Variants in SCAF8 observed in about 807,000 individuals in gnomAD.
SCAF8 encodes the protein SR-related and CTD-associated factor 8.
In SCAF8, 23 loss-of-function variants were observed where a neutral mutation model predicts 140.5. That is an observed-to-expected ratio of 0.16 (90% confidence interval 0.12 to 0.23). SCAF8 has a LOEUF of 0.23. SCAF8 is among the 10% of genes least tolerant of loss of function. The pLI is 1.00. For missense variants in SCAF8, 1,397 were observed against 1,555.7 expected, an observed-to-expected ratio of 0.90 and a Z score of 1.72; for synonymous variants, 575 against 528.9, an observed-to-expected ratio of 1.09 and a Z score of -1.20.
chr6:154,815,050 C>T (rs761390644), intron 12 of SCAF8, among the ~76,000 whole-genome samples: 9 of 152,320 alleles, frequency 5.9e-5, no homozygotes, highest in South Asian at 2.1e-4. Context: ...GTTATCCCAG[C>T]GCTTTGGGAG....
At chr6:154,742,356 A>T (rs1778592457) in intron 1 of SCAF8, among the ~76,000 whole-genome samples, 1 of 152,204 alleles carries the variant, frequency 6.6e-6, no homozygotes, top group East Asian at 1.9e-4. Context: ...TGAATAATAA[A>T]ATACACCTTT....
chr6:154,815,958 T>C, intron 13 of SCAF8, 142 bp downstream of exon 13: 1 of 495,340 alleles, frequency 2.0e-6, no homozygotes, highest in Non-Finnish European at 3.7e-6. Context: ...ACTTTGATAA[T>C]GTCTGTGTTT....
rs1278298131 is a variant in SCAF8, at chr6:154,831,948, A to G, written c.2369A>G (p.Asn790Ser). ...CTCTCTTTTTTTTTAGTGATTCCAA[A>G]TGATATTTCAAGTAATGCTGCAATT... ...SGENTRSVIP[N>S]DISSNAAILG... The change falls in exon 20 of 20, where the codon AAT (asparagine) becomes AGT (serine). Residue 790 changes from asparagine to serine, a missense_variant. This residue lies in a region of SCAF8 where 930 missense variants were observed against 874.6 expected (regional missense o/e 1.06). Transcript: ENST00000367178. 9 of 1,587,742 alleles carry G rather than the reference A, an allele frequency of 5.7e-6. No individual in the cohort carries two copies. In the East Asian group the frequency reaches 2.0e-4, roughly 36 times the overall value.
intron 5 of SCAF8, among the ~76,000 whole-genome samples, chr6:154,794,487 AAG>A (rs554807194): frequency 1.3e-5 from 2 of 152,122 alleles, no homozygotes; most frequent in African/African-American, 4.8e-5. Flanking sequence ...GATAGGGAAA[AAG>A]AGAGAGAGAC....
At chr6:154,803,786 A>G (rs1005225881) in intron 8 of SCAF8, among the ~76,000 whole-genome samples, 163 bp downstream of exon 8, 3 of 152,134 alleles carry the variant, frequency 2.0e-5, no homozygotes, top group Non-Finnish European at 4.4e-5. Context: ...TCTTTGTATT[A>G]TTTTGAGTCT....
intron 4 of SCAF8, among the ~76,000 whole-genome samples, chr6:154,791,450 A>G (rs574771697): frequency 1.4e-4 from 21 of 152,338 alleles, no homozygotes; most frequent in African/African-American, 4.8e-4. Context: ...ACGTTATAGT[A>G]TCGCTATAAG....
In SCAF8 at chr6:154,820,298, A is replaced by G. The variant is rs749869251; in HGVS notation, c.1757A>G (p.Glu586Gly). 2.5e-6 allele frequency: 4 copies of G among 1,611,686 alleles called. No individual in the cohort carries two copies. The highest frequency in any genetic ancestry group is 1.1e-5 in the South Asian group (1 of 90,634). ...GTGGATGACTTGGAAGGTTTTGCAG[A>G]AGGAGGCATGATTGATCAGGAGACT... is the stretch of plus-strand genomic sequence containing the variant. The part of the protein sequence containing the change: ...VKVDDLEGFA[E>G]GGMIDQETVN... The change falls in exon 15 of 20, where the codon GAA becomes GGA. Residue 586 changes from glutamate to glycine, a missense_variant. Around this residue, in one of 5 missense-constraint regions of SCAF8, gnomAD observed 930 missense variants for 874.6 expected, o/e 1.06. Coordinates refer to ENST00000367178, the MANE Select transcript of SCAF8 (RefSeq NM_014892.5).
chr6:154,830,929 G>A lies in SCAF8; in HGVS notation c.2148G>A (p.Val716=), dbSNP rs768083973. 6.1e-5 allele frequency: 98 copies of A among 1,613,516 alleles called. No individual in the cohort carries two copies. The highest frequency in any genetic ancestry group is 8.2e-5 in the Non-Finnish European group (97 of 1,179,494). Residue 716 remains valine (V), a synonymous_variant, in exon 19 of 20, where the codon GTG becomes GTA. Coordinates refer to ENST00000367178, the MANE Select transcript of SCAF8 (RefSeq NM_014892.5). ...TIPPVVPTSL[V]QPSLSMTPET... ...TTTCTCCTCTTTAAACAGCTTTAGT[G>A]CAGCCGTCATTATCCATGACACCGG...
chr6:154,748,180 G>A (rs1778752388), intron 1 of SCAF8, among the ~76,000 whole-genome samples: 2 of 152,210 alleles, frequency 1.3e-5, no homozygotes, highest in South Asian at 2.1e-4. Context: ...CTCGCTAAGG[G>A]AAGACAATAA....
chr6:154,797,535 A>T (rs1162347961), intron 6 of SCAF8, among the ~76,000 whole-genome samples: 2 of 151,268 alleles, frequency 1.3e-5, no homozygotes, highest in African/African-American at 4.8e-5. Flanking sequence ...AGCTGGGACT[A>T]TAGGCACCTG....
In SCAF8 at chr6:154,750,585, A is replaced by G. The variant is rs537978802; in HGVS notation, c.30+16655A>G. On this transcript the variant is annotated intron_variant, in intron 1 of 19. Coordinates refer to ENST00000367178, the MANE Select transcript of SCAF8 (RefSeq NM_014892.5). Reference sequence around the variant, plus strand: ...CCAGATGTTCTTGTATGTAATTAAAACTTAAGTAGTAAATTGAATGGCCTG... The same window carrying G: ...CCAGATGTTCTTGTATGTAATTAAAGCTTAAGTAGTAAATTGAATGGCCTG... Among the ~76,000 whole-genome samples, 5 of 152,308 alleles carry G rather than the reference A, an allele frequency of 3.3e-5. No homozygotes were observed. The South Asian group carries it at 1.0e-3, about 32-fold the overall frequency.
intron 16 of SCAF8, 150 bp downstream of exon 16, chr6:154,822,559 T>TA (rs199831937): frequency 3.6e-4 from 290 of 804,854 alleles, no homozygotes; most frequent in Middle Eastern, 1.8e-3. Context: ...TTCTTTTAAA[T>TA]AAAAAAAAAG....
intron 14 of SCAF8, 82 bp downstream of exon 14, chr6:154,818,674 G>GAGGGTCAC (rs766157445): frequency 1.9e-4 from 111 of 597,928 alleles, no homozygotes; most frequent in Non-Finnish European, 3.1e-4. Context: ...TTTTTCACAA[G>GAGGGTCAC]AGGGTCACAA....
In SCAF8 at chr6:154,808,071, C is replaced by T. The variant is rs1003543018; in HGVS notation, c.983C>T (p.Ala328Val). The part of the protein sequence containing the change: ...QLLEQQQPQK[A>V]TPQDSQEGTF... ...TGTGTTTGTATATGTTCTCAATAGG[C>T]CACTCCTCAGGATAGTCAGGAAGGA... The change falls in exon 10 of 20, where the codon GCC (alanine) becomes GTC (valine). Residue 328 changes from alanine to valine, a missense_variant and splice_region_variant. Ala to Val is a moderately conservative substitution (Grantham distance 64). Coordinates refer to ENST00000367178, the MANE Select transcript of SCAF8 (RefSeq NM_014892.5). The T allele has an allele frequency of 1.4e-5, 22 of 1,611,568 alleles. No individual in the cohort carries two copies. Among genetic ancestry groups the T allele is most frequent in the Non-Finnish European group, 1.8e-5 (21 of 1,179,096 alleles).
Position 154,800,032 on chromosome 6 carries a change from C to T in SCAF8, c.607-1939C>T, listed in dbSNP as rs550502328. Among the ~76,000 whole-genome samples, 26 of 151,112 alleles carry T rather than the reference C, an allele frequency of 1.7e-4. No homozygotes were observed. The South Asian group carries it at 2.1e-3, about 12-fold the overall frequency. On this transcript the variant is annotated intron_variant, in intron 6 of 19. Transcript: ENST00000367178. ...AACTCCTGACTTTAAGTGATCCGCC[C>T]GCCTCGGCCTTCCAAAGTACTGGGA...
chr6:154,744,162 G>C (rs894071811), intron 1 of SCAF8, among the ~76,000 whole-genome samples: 2 of 151,996 alleles, frequency 1.3e-5, no homozygotes, highest in Non-Finnish European at 2.9e-5. Context: ...GCGTGGTGGC[G>C]TGCACCTGTA....
At chr6:154,794,771 G>GC (rs1777540166) in intron 5 of SCAF8, among the ~76,000 whole-genome samples, 5 of 55,136 alleles carry the variant, frequency 9.1e-5, no homozygotes, top group Non-Finnish European at 1.6e-4. Flanking sequence ...GGGGGGGGGG[G>GC]GTGTGGGGGG....
rs760463784 is a variant in SCAF8 at position 154,824,331 on chromosome 6, C to A, written c.2024C>A (p.Pro675Gln). 1 of 1,613,982 alleles carries A rather than the reference C, an allele frequency of 6.2e-7. No individual in the cohort carries two copies. The highest frequency in any genetic ancestry group is 8.5e-7 in the Non-Finnish European group (1 of 1,179,854). The change falls in exon 17 of 20, where the codon CCA (proline) becomes CAA (glutamine). Residue 675 changes from proline to glutamine, a missense_variant. Physicochemically the swap from Pro to Gln is moderately conservative, Grantham distance 76. Coordinates refer to ENST00000367178, the MANE Select transcript of SCAF8 (RefSeq NM_014892.5). ...VPPPGFSPIPPPPFLRASFNP... is the reference protein window; with the variant it reads ...VPPPGFSPIPQPPFLRASFNP... The stretch of plus-strand genomic sequence containing the variant: ...CCTCCTGGATTCAGTCCAATCCCTC[C>A]ACCTCCTTTTTTAAGAGCAAGTTTT...
At chr6:154,817,618 G>GAT (rs1778291461) in intron 13 of SCAF8, among the ~76,000 whole-genome samples, 3 of 152,120 alleles carry the variant, frequency 2.0e-5, no homozygotes. Context: ...TCAAGGTTTA[G>GAT]ATATATTTCT....
Sources: allele counts gnomAD v4.1 joint callset (sites outside exome capture counted in the v4.1 genomes callset), GRCh38; gene constraint gnomAD v4.1.1; regional missense constraint gnomAD v4.1.1; transcripts MANE v1.5; gene names NCBI Gene and HGNC (gene_info 2026-07-23, HGNC 2026-07-21).